The following ZNF362 variants were observed in gnomAD, a reference collection of about 807,000 sequenced individuals.
ZNF362 encodes the protein zinc finger protein 362.
Under a neutral mutation model 42.9 loss-of-function variants are expected in ZNF362, and 11 were observed. That is an observed-to-expected ratio of 0.26 (90% confidence interval 0.16 to 0.42). The LOEUF is 0.42. ZNF362 is among the 20% of genes least tolerant of loss of function. The probability of loss-of-function intolerance (pLI) is 1.00; values close to 1 mark genes in which losing one functional copy is unlikely to be tolerated. For missense variants in ZNF362, 362 were observed against 576.2 expected, an observed-to-expected ratio of 0.63 and a Z score of 3.81; for synonymous variants, 255 against 257.3, an observed-to-expected ratio of 0.99 and a Z score of 0.09.
upstream of ZNF362, among the ~76,000 whole-genome samples, chr1:33,254,975 T>C (rs1326742215): frequency 6.6e-6 from 1 of 152,226 alleles, no homozygotes; most frequent in Non-Finnish European, 1.5e-5. Flanking sequence ...CCCACCTCGC[T>C]CACCCCAGAG....
chr1:33,286,830 A>G (rs1048164771), intron 6 of ZNF362, among the ~76,000 whole-genome samples: 2 of 152,138 alleles, frequency 1.3e-5, no homozygotes, highest in Non-Finnish European at 2.9e-5. Context: ...AGATCATATA[A>G]TCAAATCCAT....
chr1:33,292,601 A>C (rs1018406709), intron 6 of ZNF362, among the ~76,000 whole-genome samples: 46 of 152,006 alleles, frequency 3.0e-4, no homozygotes, highest in African/African-American at 8.7e-4. Context: ...ATTAGGGAGG[A>C]TTCCCTCTTT....
At chr1:33,130,095 G>A in the ZNF362 span, among the ~76,000 whole-genome samples, 1,453 of 152,254 alleles carry the variant, frequency 9.5e-3, 15 homozygotes, top group African/African-American at 0.033. Flanking sequence ...CTGACCTCAC[G>A]TGATCCACCT....
chr1:33,230,307 G>A, the ZNF362 span, among the ~76,000 whole-genome samples: 40 of 152,248 alleles, frequency 2.6e-4, no homozygotes, highest in Middle Eastern at 3.4e-3. Flanking sequence ...GTTACTGAGT[G>A]CTTATGCTGT....
the ZNF362 span, among the ~76,000 whole-genome samples, chr1:33,230,592 C>A: frequency 6.6e-6 from 1 of 152,352 alleles, no homozygotes; most frequent in South Asian, 2.1e-4. Context: ...TGCAGACATT[C>A]CTCCCACAGT....
At chr1:33,291,414 A>G (rs1430508135) in intron 6 of ZNF362, among the ~76,000 whole-genome samples, 1 of 152,078 alleles carries the variant, frequency 6.6e-6, no homozygotes, top group South Asian at 2.1e-4. Flanking sequence ...GTTCTGTTCC[A>G]TTGGTCTATA....
At chr1:33,188,028 G>A in the ZNF362 span, among the ~76,000 whole-genome samples, 1 of 152,158 alleles carries the variant, frequency 6.6e-6, no homozygotes, top group Admixed American at 6.5e-5. Flanking sequence ...GAAGTCAGGA[G>A]TTTGAGACCA....
At chr1:33,244,741 G>C in the ZNF362 span, among the ~76,000 whole-genome samples, 1 of 152,216 alleles carries the variant, frequency 6.6e-6, no homozygotes. The surrounding 1 kb of genome is among the most constrained non-coding windows in gnomAD (Gnocchi z 4.0). Flanking sequence ...TGGAGATCAT[G>C]AGAGCTGCCT....
At chr1:33,275,611 GC>G (rs1364966580) in intron 2 of ZNF362, among the ~76,000 whole-genome samples, 4 of 152,138 alleles carry the variant, frequency 2.6e-5, no homozygotes, top group African/African-American at 9.7e-5. Flanking sequence ...ACCTCATGTT[GC>G]CCCCTGATTT....
chr1:33,172,857 G>C, the ZNF362 span, among the ~76,000 whole-genome samples: 1 of 152,176 alleles, frequency 6.6e-6, no homozygotes, highest in Admixed American at 6.5e-5. Context: ...CATCAGAAAA[G>C]CCTGTGTTCA....
At chr1:33,286,339 T>C (rs1570404566) in intron 6 of ZNF362, among the ~76,000 whole-genome samples, 2 of 151,990 alleles carry the variant, frequency 1.3e-5, no homozygotes, top group East Asian at 3.9e-4. Flanking sequence ...ATTCTGTTTT[T>C]TTTTTCCAAG....
the ZNF362 span, among the ~76,000 whole-genome samples, chr1:33,236,572 T>TACAC: frequency 1.0e-5 from 1 of 98,704 alleles, no homozygotes; most frequent in African/African-American, 3.7e-5. Flanking sequence ...TATATATATA[T>TACAC]ACATACACAC....
At chr1:33,163,087 G>A in the ZNF362 span, 1 of 151,920 alleles carries the variant, frequency 6.6e-6, no homozygotes, top group Non-Finnish European at 1.5e-5. Flanking sequence ...TGCCCAGGCT[G>A]GGGTGCAGTG....
chr1:33,173,770 C>A, the ZNF362 span, among the ~76,000 whole-genome samples: 2 of 151,676 alleles, frequency 1.3e-5, no homozygotes, highest in African/African-American at 4.9e-5. Flanking sequence ...GCAATCATAG[C>A]TCACTATAGC....
chr1:33,264,552 T>G (rs780254546), intron 1 of ZNF362, among the ~76,000 whole-genome samples: 9 of 152,254 alleles, frequency 5.9e-5, no homozygotes, highest in African/African-American at 1.9e-4. Flanking sequence ...GCTTGGAGAT[T>G]TAGGTAACAA....
chr1:33,207,793 G>A, the ZNF362 span, among the ~76,000 whole-genome samples: 1 of 151,970 alleles, frequency 6.6e-6, no homozygotes, highest in Non-Finnish European at 1.5e-5. Flanking sequence ...TTTTGATGGG[G>A]TTGTTTTTTT....
chr1:33,212,115 G>T, the ZNF362 span, among the ~76,000 whole-genome samples: 2 of 152,132 alleles, frequency 1.3e-5, no homozygotes, highest in African/African-American at 4.8e-5. Context: ...TTGTTAAAAA[G>T]TGTGTAGCAC....
chr1:33,293,518 G>A (rs1646094841), intron 6 of ZNF362, among the ~76,000 whole-genome samples: 2 of 152,318 alleles, frequency 1.3e-5, no homozygotes, highest in South Asian at 4.1e-4. Context: ...TTTCTTTGAT[G>A]AGTTTGTTGA....
chr1:33,252,369 CAA>C (rs1645765188), upstream of ZNF362, among the ~76,000 whole-genome samples: 1 of 113,298 alleles, frequency 8.8e-6, no homozygotes, highest in Non-Finnish European at 2.0e-5. Context: ...ACAACAACAA[CAA>C]CAACAACAAC....
Sources: gnomAD v4.1 joint callset for allele counts (sites outside exome capture counted in the v4.1 genomes callset) on GRCh38, gnomAD v4.1.1 for gene constraint, Gnocchi (gnomAD v3.1) non-coding constraint, MANE v1.5 for transcripts, NCBI Gene and HGNC (gene_info 2026-07-23, HGNC 2026-07-21) for gene names.